The following PLCB1 variants were observed in gnomAD, a reference collection of about 807,000 sequenced individuals.
PLCB1 encodes the protein phospholipase C beta 1.
PLCB1 carries 46 observed loss-of-function variants against 161.8 expected under a neutral mutation model. That is an observed-to-expected ratio of 0.28 (90% CI 0.22 to 0.36). The LOEUF (loss-of-function observed/expected upper bound fraction) is 0.36. PLCB1 is among the 10% of genes least tolerant of loss of function. PLCB1 has a pLI of 1.00. For missense variants in PLCB1, 1,016 were observed against 1,472.5 expected (o/e 0.69, Z 5.07); for synonymous variants, 517 against 503.7 (o/e 1.03, Z -0.35).
intron 3 of PLCB1, among the ~76,000 whole-genome samples, chr20:8,462,099 T>A (rs1033360524): frequency 6.6e-6 from 1 of 152,070 alleles, no homozygotes; most frequent in African/African-American, 2.4e-5. Context: ...TATATGTATT[T>A]ACACACACAC....
intron 3 of PLCB1, among the ~76,000 whole-genome samples, chr20:8,444,078 TG>T (rs1980692881): frequency 6.6e-6 from 1 of 152,142 alleles, no homozygotes; most frequent in South Asian, 2.1e-4. Context: ...CTAGGGTACA[TG>T]TGCACAATGT....
intron 7 of PLCB1, chr20:8,649,841 AG>A (rs1167820138): frequency 6.2e-6 from 1 of 162,254 alleles, no homozygotes; most frequent in Non-Finnish European, 1.3e-5. Context: ...TATATGCATC[AG>A]AAAACAGAGT....
chr20:8,247,820 A>C (rs1368668454), intron 2 of PLCB1, among the ~76,000 whole-genome samples: 1 of 151,918 alleles, frequency 6.6e-6, no homozygotes, highest in Non-Finnish European at 1.5e-5. Flanking sequence ...GTGTTTCTTC[A>C]TCTTAGCTTT....
intron 10 of PLCB1, among the ~76,000 whole-genome samples, chr20:8,685,320 C>T (rs979079262): frequency 2.5e-4 from 5 of 20,122 alleles, no homozygotes; most frequent in East Asian, 2.3e-3. Context: ...AATGCAACCA[C>T]GGCTGACATT....
At chr20:8,162,947 AC>A (rs1213800139) in intron 2 of PLCB1, among the ~76,000 whole-genome samples, 1 of 152,214 alleles carries the variant, frequency 6.6e-6, no homozygotes, top group Non-Finnish European at 1.5e-5. Flanking sequence ...TACTAAAGTG[AC>A]TTTTTCATAT....
intron 3 of PLCB1, among the ~76,000 whole-genome samples, chr20:8,440,967 G>A (rs2122611603): frequency 6.6e-6 from 1 of 152,084 alleles, no homozygotes; most frequent in South Asian, 2.1e-4. Context: ...ATTAAAAAGA[G>A]AAATTAACCC....
At chr20:8,421,340 A>AT (rs201684459) in intron 3 of PLCB1, among the ~76,000 whole-genome samples, 321 of 151,976 alleles carry the variant, frequency 2.1e-3, no homozygotes, top group African/African-American at 7.4e-3. Context: ...CATTGGGACT[A>AT]TTTTTTTTGT....
At chr20:8,457,714 GCACACACACACACACA>G (rs145581916) in intron 3 of PLCB1, among the ~76,000 whole-genome samples, 4 of 145,768 alleles carry the variant, frequency 2.7e-5, no homozygotes, top group Non-Finnish European at 6.0e-5. Flanking sequence ...ATGTGTGCGC[GCACACACACACACACA>G]CACACACACA....
chr20:8,176,251 C>T (rs553235478), intron 2 of PLCB1, among the ~76,000 whole-genome samples: 1 of 152,292 alleles, frequency 6.6e-6, no homozygotes, highest in South Asian at 2.1e-4. Context: ...CAGATGCCTT[C>T]AGTGAGCAAA....
intron 3 of PLCB1, among the ~76,000 whole-genome samples, chr20:8,409,617 C>T (rs1272273197): frequency 6.6e-6 from 1 of 151,886 alleles, no homozygotes; most frequent in Non-Finnish European, 1.5e-5. Context: ...CGCCCACCAC[C>T]ACGCCTGGCT....
intron 9 of PLCB1, among the ~76,000 whole-genome samples, chr20:8,669,935 A>G (rs73598297): frequency 0.082 from 12,490 of 152,298 alleles, 716 homozygotes; most frequent in East Asian, 0.17. Flanking sequence ...CAAGGAACAT[A>G]ACATTCTGGT....
chr20:8,196,077 T>G (rs1159980518), intron 2 of PLCB1, among the ~76,000 whole-genome samples: 1 of 151,958 alleles, frequency 6.6e-6, no homozygotes, highest in Non-Finnish European at 1.5e-5. Context: ...GAACTCACTA[T>G]CAAAAGAACA....
At chr20:8,683,396 G>GAA (rs11481284) in intron 9 of PLCB1, among the ~76,000 whole-genome samples, 17 of 148,636 alleles carry the variant, frequency 1.1e-4, no homozygotes, top group African/African-American at 1.2e-4. Flanking sequence ...GTTTCAACAA[G>GAA]AAAAAAAAAA....
At chr20:8,434,017 G>A (rs1980185727) in intron 3 of PLCB1, among the ~76,000 whole-genome samples, 1 of 152,138 alleles carries the variant, frequency 6.6e-6, no homozygotes, top group African/African-American at 2.4e-5. Context: ...TTCAATCACA[G>A]TGAGGATTAG....
At chr20:8,322,632 A>G (rs913676699) in intron 2 of PLCB1, among the ~76,000 whole-genome samples, 2 of 152,176 alleles carry the variant, frequency 1.3e-5, no homozygotes, top group Non-Finnish European at 2.9e-5. Flanking sequence ...CATTTCTTAA[A>G]TTAGTTTGTT....
intron 3 of PLCB1, among the ~76,000 whole-genome samples, chr20:8,440,704 G>A (rs1009591094): frequency 2.6e-5 from 4 of 152,090 alleles, no homozygotes; most frequent in African/African-American, 9.7e-5. Flanking sequence ...TAGCTAGATA[G>A]GAGGAATAAA....
chr20:8,829,607 T>C (rs1385649207), intron 31 of PLCB1, among the ~76,000 whole-genome samples: 1 of 152,212 alleles, frequency 6.6e-6, no homozygotes, highest in Non-Finnish European at 1.5e-5. Flanking sequence ...AATGCACGCC[T>C]GGAAGGAGTC....
At chr20:8,340,884 T>C (rs1325257455) in intron 2 of PLCB1, among the ~76,000 whole-genome samples, 2 of 152,192 alleles carry the variant, frequency 1.3e-5, no homozygotes, top group Non-Finnish European at 2.9e-5. Flanking sequence ...TCATGAGCCC[T>C]GGGTACAGAA....
intron 16 of PLCB1, 52 bp from the exon 17 acceptor site, chr20:8,727,257 T>C (rs369377170): frequency 3.4e-4 from 286 of 844,350 alleles, no homozygotes; most frequent in South Asian, 1.4e-4. Context: ...TTTATAACAA[T>C]GAATTGTATT....
Sources: allele counts gnomAD v4.1 joint callset (sites outside exome capture counted in the v4.1 genomes callset), GRCh38; gene constraint gnomAD v4.1.1; transcripts MANE v1.5; gene names NCBI Gene and HGNC (gene_info 2026-07-23, HGNC 2026-07-21).